IL1RAPL1: variants seen among roughly 807,000 people sequenced by gnomAD.
IL1RAPL1 encodes interleukin-1 receptor accessory protein-like 1.
In IL1RAPL1, 3 loss-of-function variants were observed where a neutral mutation model predicts 48.4. The observed-to-expected ratio is 0.06, with a 90% CI of 0.03 to 0.16. IL1RAPL1 has a LOEUF of 0.16. Among genes scored for constraint, IL1RAPL1 ranks in the 10% least tolerant of loss-of-function variants. The pLI is 1.00. For missense variants in IL1RAPL1, 349 were observed against 530.6 expected (o/e 0.66, Z 3.36); for synonymous variants, 185 against 187.7 (o/e 0.99, Z 0.12).
At chrX:29,932,838 G>A (rs1039290299) in intron 8 of IL1RAPL1, among the ~76,000 whole-genome samples, 4 of 111,372 alleles carry the variant, frequency 3.6e-5, no homozygotes, top group Non-Finnish European at 5.6e-5. Context: ...CACCTTTAAC[G>A]CAAAAACATA....
At chrX:29,327,156 T>G (rs1374292857) in intron 3 of IL1RAPL1, among the ~76,000 whole-genome samples, 1 of 111,276 alleles carries the variant, frequency 9.0e-6, no homozygotes, top group Admixed American at 9.6e-5. Context: ...TGCTGGTATT[T>G]TAAGAGCTCT....
intron 7 of IL1RAPL1, among the ~76,000 whole-genome samples, chrX:29,919,165 A>G (rs1398717410): frequency 8.9e-6 from 1 of 112,151 alleles, no homozygotes; most frequent in Admixed American, 9.5e-5. Flanking sequence ...TAGATGGACA[A>G]TTGTCTAATA....
intron 2 of IL1RAPL1, among the ~76,000 whole-genome samples, chrX:29,089,749 AATATATATATAT>A (rs1159198583): frequency 0.011 from 183 of 16,974 alleles, 9 homozygotes; most frequent in South Asian, 0.098. Flanking sequence ...GAGAAATATG[AATATATATATAT>A]ATATATATAT....
chrX:28,609,098 A>G (rs891576880), intron 1 of IL1RAPL1, among the ~76,000 whole-genome samples: 8 of 112,303 alleles, frequency 7.1e-5, no homozygotes, highest in African/African-American at 2.6e-4. Flanking sequence ...AATGTAGAAA[A>G]AGGGAAAAAT....
At chrX:29,690,410 G>C (rs1203874264) in intron 6 of IL1RAPL1, among the ~76,000 whole-genome samples, 1 of 111,733 alleles carries the variant, frequency 8.9e-6, no homozygotes, top group Non-Finnish European at 1.9e-5. Context: ...TTTGATCTCA[G>C]TATTATTGGA....
chrX:29,842,326 A>G (rs1931152214), intron 6 of IL1RAPL1, among the ~76,000 whole-genome samples: 1 of 112,367 alleles, frequency 8.9e-6, no homozygotes, highest in African/African-American at 3.2e-5. Context: ...GGCCTGTTAG[A>G]TTAACTCTTT....
chrX:29,713,527 A>T (rs1927406109), intron 6 of IL1RAPL1, among the ~76,000 whole-genome samples: 1 of 111,659 alleles, frequency 9.0e-6, no homozygotes, highest in Admixed American at 9.6e-5. Flanking sequence ...ATCACCTGGG[A>T]ATTTGTTAAA....
chrX:29,787,131 A>G (rs146516761), intron 6 of IL1RAPL1, among the ~76,000 whole-genome samples: 1,209 of 111,815 alleles, frequency 0.011, 11 homozygotes, highest in African/African-American at 0.037. Flanking sequence ...AGAGGAACGC[A>G]GCAAGCCCAC....
intron 3 of IL1RAPL1, among the ~76,000 whole-genome samples, chrX:29,306,548 A>C (rs1334817042): frequency 2.0e-5 from 2 of 100,410 alleles, no homozygotes; most frequent in African/African-American, 3.7e-5. Flanking sequence ...AAAAAAAAAA[A>C]AAAAACGAAA....
chrX:28,917,997 C>T (rs1329713137), intron 2 of IL1RAPL1, among the ~76,000 whole-genome samples: 5 of 112,225 alleles, frequency 4.5e-5, no homozygotes, highest in African/African-American at 1.3e-4. Context: ...GAAAGTTGAG[C>T]TCCATCTGCC....
intron 5 of IL1RAPL1, among the ~76,000 whole-genome samples, chrX:29,598,106 G>A: frequency 8.9e-6 from 1 of 111,738 alleles, no homozygotes; most frequent in African/African-American, 3.3e-5. Flanking sequence ...GTTCCTTGAG[G>A]TGTGACCTTA....
chrX:29,416,392 T>C (rs1040294825), intron 5 of IL1RAPL1, among the ~76,000 whole-genome samples: 3 of 111,042 alleles, frequency 2.7e-5, no homozygotes, highest in African/African-American at 9.8e-5. Context: ...AAAAATTAGC[T>C]GGGTGTGGTG....
At chrX:29,910,602 A>AT (rs1932748347) in intron 6 of IL1RAPL1, among the ~76,000 whole-genome samples, 1 of 112,062 alleles carries the variant, frequency 8.9e-6, no homozygotes, top group Non-Finnish European at 1.9e-5. Context: ...CATACATTTT[A>AT]TAAATCATTT....
intron 6 of IL1RAPL1, among the ~76,000 whole-genome samples, chrX:29,754,533 A>G (rs1390678879): frequency 3.6e-5 from 4 of 111,889 alleles, no homozygotes; most frequent in Non-Finnish European, 7.5e-5. Context: ...TTTTTAATAC[A>G]CAGAAACGAT....
chrX:29,029,941 C>CTTT lies in IL1RAPL1; in HGVS notation c.82+240529_82+240531dup, dbSNP rs768468902. ...ATGGTATAAAGTCTTTATCGAGATT[C>CTTT]TTTTTTTTTTTTTTTGGCTTGTGGA... is the stretch of plus-strand genomic sequence containing the variant. On this transcript the variant is annotated intron_variant, in intron 2 of 10. Transcript: ENST00000378993. 4.5e-3 allele frequency among the ~76,000 whole-genome samples: 402 copies of CTTT among 88,378 alleles called. 2 individuals are homozygous for CTTT. Among genetic ancestry groups the CTTT allele is most frequent in the African/African-American group, 0.016 (391 of 24,506 alleles). 76.7% of individuals were successfully genotyped at this position (88,378 alleles called of 115,157 possible).
intron 3 of IL1RAPL1, among the ~76,000 whole-genome samples, chrX:29,385,303 A>T (rs1308999208): frequency 1.8e-5 from 2 of 111,808 alleles, no homozygotes; most frequent in Non-Finnish European, 3.8e-5. Flanking sequence ...AAAAATACAA[A>T]ATTAGCCGGG....
chrX:29,510,877 C>T (rs942588688), intron 5 of IL1RAPL1, among the ~76,000 whole-genome samples: 2 of 111,883 alleles, frequency 1.8e-5, no homozygotes, highest in African/African-American at 3.2e-5. Flanking sequence ...TGAATACTGT[C>T]GATCTAGAAG....
At chrX:29,458,336 C>T (rs1027730914) in intron 5 of IL1RAPL1, among the ~76,000 whole-genome samples, 3 of 111,791 alleles carry the variant, frequency 2.7e-5, no homozygotes, top group East Asian at 2.8e-4. Flanking sequence ...AATTCTGTCA[C>T]GTACCATAAA....
chrX:29,453,391 G>C (rs1602242120), intron 5 of IL1RAPL1, among the ~76,000 whole-genome samples: 1 of 111,310 alleles, frequency 9.0e-6, no homozygotes, highest in East Asian at 2.8e-4. Flanking sequence ...ACTTCAGGAA[G>C]TCATTAATGA....
Sources: allele counts gnomAD v4.1 joint callset (sites outside exome capture counted in the v4.1 genomes callset), GRCh38; gene constraint gnomAD v4.1.1; transcripts MANE v1.5; gene names NCBI Gene and HGNC (gene_info 2026-07-23, HGNC 2026-07-21).